CAPN14: variants seen among roughly 807,000 people sequenced by gnomAD.
CAPN14 encodes the protein calpain-14.
CAPN14 carries 94 observed loss-of-function variants against 101.3 expected under a neutral mutation model. That is an observed-to-expected ratio of 0.93 (90% CI 0.79 to 1.10). The LOEUF (loss-of-function observed/expected upper bound fraction) is 1.10, where lower values mean the gene tolerates loss of function less well. CAPN14 is among the 50% of genes least tolerant of loss of function. CAPN14 has a pLI of 0.00. For synonymous variants in CAPN14, 338 were observed against 317.9 expected, an observed-to-expected ratio of 1.06 and a Z score of -0.67; for missense variants, 837 against 828.4, an observed-to-expected ratio of 1.01 and a Z score of -0.13.
At chr2:31,207,910 T>C (rs765576671) in intron 1 of CAPN14, among the ~76,000 whole-genome samples, 1 of 152,214 alleles carries the variant, frequency 6.6e-6, no homozygotes, top group Non-Finnish European at 1.5e-5. Flanking sequence ...GGCCCCACTG[T>C]GGTTCTGCTC....
intron 8 of CAPN14, among the ~76,000 whole-genome samples, chr2:31,196,093 T>G (rs1681458062): frequency 6.6e-6 from 1 of 152,146 alleles, no homozygotes; most frequent in Non-Finnish European, 1.5e-5. Flanking sequence ...GAAGATAATC[T>G]CAAGTGAAAT....
intron 2 of CAPN14, among the ~76,000 whole-genome samples, chr2:31,223,869 T>C (rs1162945224): frequency 2.6e-5 from 4 of 152,176 alleles, no homozygotes; most frequent in African/African-American, 9.7e-5. Flanking sequence ...CATTTTGAGC[T>C]GTCACTGTGC....
chr2:31,221,884 A>T (rs542653438), upstream of CAPN14, among the ~76,000 whole-genome samples: 1 of 152,334 alleles, frequency 6.6e-6, no homozygotes, highest in South Asian at 2.1e-4. Flanking sequence ...CCCCAGCCAG[A>T]GTGAGGGCTC....
At position 31,199,510 on chromosome 2, in the gene CAPN14, A is replaced by G; in HGVS notation, c.749T>C (p.Leu250Pro). The stretch of plus-strand genomic sequence containing the variant: ...GAGAGTATAGGCATGGCCTTCCACC[A>G]GCCCATTCTCCAGAATCTTCTCCTG... ...HSGEKILENG[L>P]VEGHAYTLTG... The change falls in exon 7 of 22, where the codon CTG (leucine) becomes CCG (proline). Residue 250 changes from leucine (L) to proline (P), a missense_variant. By Grantham distance (98) the Leu-to-Pro change is moderately conservative (BLOSUM62 -3). Transcript: ENST00000403897. The G allele has an allele frequency of 6.4e-7, 1 of 1,551,612 alleles. No individual in the cohort carries two copies. The highest frequency in any genetic ancestry group is 8.7e-7 in the Non-Finnish European group (1 of 1,146,924).
Position 31,205,466 on chromosome 2 carries a change from T to A in CAPN14, c.-19A>T. The stretch of plus-strand genomic sequence containing the variant: ...GAGACATGGCAGGTGGTGGGTACAG[T>A]CCAGTGAGTCTTCCTGAGGAGTCTC... On this transcript the variant is annotated 5_prime_UTR_variant, in exon 2 of 22. Transcript: ENST00000403897. The A allele has an allele frequency of 6.5e-7, 1 of 1,539,290 alleles. No homozygotes were observed.
At position 31,199,451 on chromosome 2, in the gene CAPN14, A is replaced by AG; in HGVS notation, c.789+18dup. The AG allele has an allele frequency of 6.5e-7, 1 of 1,550,096 alleles. No homozygotes were observed. Among genetic ancestry groups the AG allele is most frequent in the Non-Finnish European group, 8.7e-7 (1 of 1,145,690 alleles). On this transcript the variant is annotated intron_variant, in intron 7 of 21. Coordinates refer to ENST00000403897, the MANE Select transcript of CAPN14 (RefSeq NM_001145122.2). ...AGGGCAAGGCTGAGAGGGAAACCGAAGGGCCAACCTCAACCCACCTTCCTG... is the reference window on the plus strand; with the variant it reads ...AGGGCAAGGCTGAGAGGGAAACCGAAGGGGCCAACCTCAACCCACCTTCCTG...
intron 20 of CAPN14, 107 bp from the exon 21 acceptor site, chr2:31,176,749 G>C (rs1172734432): frequency 1.9e-6 from 2 of 1,061,564 alleles, no homozygotes; most frequent in Admixed American, 2.0e-5. Flanking sequence ...CTGAAAACGT[G>C]AGGGAACCCA....
At chr2:31,190,588 G>T (rs948364590) in intron 12 of CAPN14, among the ~76,000 whole-genome samples, 3 of 152,070 alleles carry the variant, frequency 2.0e-5, no homozygotes, top group Non-Finnish European at 2.9e-5. Context: ...TGATTTGCAG[G>T]TTTCCTCTGT....
intron 10 of CAPN14, 29 bp downstream of exon 10, chr2:31,193,102 G>C (rs986514745): frequency 1.3e-6 from 2 of 1,537,006 alleles, no homozygotes; most frequent in East Asian, 4.9e-5. Context: ...ACCTCACCCT[G>C]AGAGCCCTGC....
chr2:31,186,118 T>C (rs755924913), intron 16 of CAPN14, among the ~76,000 whole-genome samples: 10 of 152,218 alleles, frequency 6.6e-5, no homozygotes, highest in Non-Finnish European at 1.0e-4. Context: ...TTCTTCCACA[T>C]GGAATTGATA....
chr2:31,211,190 A>G lies in CAPN14; in HGVS notation c.-52-5691T>C, dbSNP rs1337640318. Among the ~76,000 whole-genome samples, 3 of 151,376 alleles carry G rather than the reference A, an allele frequency of 2.0e-5. No homozygotes were observed. The South Asian group carries it at 6.3e-4, about 32-fold the overall frequency. On this transcript the variant is annotated intron_variant, in intron 1 of 21. Transcript: ENST00000403897. ...CTAGTTAAGCCAATAAAACAGAAAGAAAGAAAAAAGAAAGAAAGAAAGAAA... is the reference window on the plus strand; with the variant it reads ...CTAGTTAAGCCAATAAAACAGAAAGGAAGAAAAAAGAAAGAAAGAAAGAAA...
intron 2 of CAPN14, among the ~76,000 whole-genome samples, chr2:31,225,735 A>T (rs1040121587): frequency 2.6e-5 from 4 of 152,114 alleles, no homozygotes; most frequent in African/African-American, 9.7e-5. Flanking sequence ...TTTTTTCAGG[A>T]TATGTAAAAA....
chr2:31,185,069 T>G (rs1680837412), intron 16 of CAPN14, among the ~76,000 whole-genome samples: 2 of 152,260 alleles, frequency 1.3e-5, no homozygotes, highest in African/African-American at 4.8e-5. Flanking sequence ...GAAAACATTC[T>G]GAATTTCAAT....
upstream of CAPN14, among the ~76,000 whole-genome samples, chr2:31,218,380 G>T (rs1484040427): frequency 6.6e-6 from 1 of 152,058 alleles, no homozygotes; most frequent in Non-Finnish European, 1.5e-5. Flanking sequence ...TACCCAGGAG[G>T]TGCTCAATAT....
rs751836103 is a variant in CAPN14 at position 31,201,914 on chromosome 2, A to G, written c.499T>C (p.Ser167Pro). 5 of 1,551,524 alleles carry G rather than the reference A, an allele frequency of 3.2e-6. No homozygotes were observed. The African/African-American group carries it at 5.5e-5, about 17-fold the overall frequency. ...NEAGQLVFVSSTYKNLFWGAL... is the reference protein window; with the variant it reads ...NEAGQLVFVSPTYKNLFWGAL... ...CCCCAGAACAAGTTCTTATAGGTGG[A>G]GGAGACAAAGACCAGCTGGCCAGCC... is the stretch of plus-strand genomic sequence containing the variant. The change falls in exon 5 of 22, where the codon TCC (serine) becomes CCC (proline). Residue 167 changes from serine (S) to proline (P), a missense_variant. Transcript: ENST00000403897.
chr2:31,191,326 TA>T, intron 12 of CAPN14, 72 bp downstream of exon 12: 1 of 1,437,890 alleles, frequency 7.0e-7, no homozygotes, highest in Non-Finnish European at 9.4e-7. Context: ...CCAGTCTAAC[TA>T]AATCCTGTGG....
At chr2:31,200,315 G>A in intron 6 of CAPN14, 136 bp downstream of exon 6, 1 of 760,848 alleles carries the variant, frequency 1.3e-6, no homozygotes, top group Admixed American at 3.0e-5. Flanking sequence ...TTGCTGCTCT[G>A]GTTTGAACAC....
At chr2:31,184,240 G>A (rs1680799822) in intron 16 of CAPN14, among the ~76,000 whole-genome samples, 1 of 152,132 alleles carries the variant, frequency 6.6e-6, no homozygotes, top group Non-Finnish European at 1.5e-5. Context: ...TTTTCACATG[G>A]GTGAAGAACT....
At chr2:31,188,915 T>G (rs570946513) in intron 13 of CAPN14, among the ~76,000 whole-genome samples, 44 of 152,186 alleles carry the variant, frequency 2.9e-4, no homozygotes, top group Non-Finnish European at 5.1e-4. Flanking sequence ...TTCTCCTCCT[T>G]GAGGCTCTTG....
Sources: allele counts gnomAD v4.1 joint callset (sites outside exome capture counted in the v4.1 genomes callset), GRCh38; gene constraint gnomAD v4.1.1; transcripts MANE v1.5; gene names NCBI Gene and HGNC (gene_info 2026-07-23, HGNC 2026-07-21).